Variants in DHDH observed in about 807,000 individuals in gnomAD.
DHDH encodes dihydrodiol dehydrogenase.
In DHDH, 29 loss-of-function variants were observed where a neutral mutation model predicts 33.2. That is an observed-to-expected ratio of 0.87 (90% CI 0.65 to 1.19). The LOEUF is 1.19. DHDH is among the 50% of genes most tolerant of loss of function. DHDH has a pLI of 0.00. For missense variants in DHDH, 431 were observed against 455.0 expected (o/e 0.95, Z 0.48); for synonymous variants, 201 against 187.9 (o/e 1.07, Z -0.57).
In DHDH at chr19:48,935,064, C is replaced by T. The variant is rs1481010316; in HGVS notation, c.155C>T (p.Pro52Leu). 1 of 1,592,644 alleles carries T rather than the reference C, an allele frequency of 6.3e-7. No individual in the cohort carries two copies. Among genetic ancestry groups the T allele is most frequent in the South Asian group, 1.2e-5 (1 of 86,602 alleles). The change falls in exon 2 of 7, where the codon CCC (proline) becomes CTC (leucine). Residue 52 changes from proline to leucine, a missense_variant. Transcript: ENST00000221403. ...GAGTTTGCACAGAAACACGACATCC[C>T]CAAGGCCTACGGCTCCTATGAGGAG... ...AKEFAQKHDI[P>L]KAYGSYEELA...
At chr19:48,942,642 G>T in intron 5 of DHDH, 78 bp downstream of exon 5, 1 of 1,537,646 alleles carries the variant, frequency 6.5e-7, no homozygotes, top group Non-Finnish European at 8.8e-7. Flanking sequence ...GGAGCTAGAT[G>T]AGAGCTTAAC....
At chr19:48,942,381 G>A (rs940561539) in intron 4 of DHDH, 59 bp from the exon 5 acceptor site, 4 of 1,469,198 alleles carry the variant, frequency 2.7e-6, no homozygotes, top group South Asian at 1.4e-5. Flanking sequence ...TTTGGGGCCT[G>A]TGCAGTCTCA....
rs1056259508 is a variant in DHDH at position 48,936,049 on chromosome 19, ACCCAGCACC to A, written c.229_237del (p.Pro77_His79del). ...CACCCTAGAGGTGGCCTACATTGGCACCCAGCACCCCCAGCACAAGGCGGCGGTGATGCT... is the reference window on the plus strand; with the variant it reads ...CACCCTAGAGGTGGCCTACATTGGCACCCAGCACAAGGCGGCGGTGATGCT... On this transcript the variant is annotated inframe_deletion, in exon 3 of 7. Coordinates refer to ENST00000221403, the MANE Select transcript of DHDH (RefSeq NM_014475.4). 9.3e-6 allele frequency: 15 copies of A among 1,604,568 alleles called. No individual in the cohort carries two copies. Among genetic ancestry groups the A allele is most frequent in the African/African-American group, 2.7e-5 (2 of 74,830 alleles).
intron 5 of DHDH, among the ~76,000 whole-genome samples, chr19:48,943,941 A>G (rs772574070): frequency 2.2e-4 from 34 of 151,792 alleles, no homozygotes; most frequent in South Asian, 1.0e-3. Flanking sequence ...GTTGCAGTGA[A>G]CCGAGATTGA....
At chr19:48,944,693 C>G (rs1211131587) in intron 6 of DHDH, 131 bp from the exon 7 acceptor site, 7 of 1,165,986 alleles carry the variant, frequency 6.0e-6, no homozygotes, top group Non-Finnish European at 7.4e-6. Flanking sequence ...AGAACTATAT[C>G]TCTCAGGAAC....
At position 48,942,461 on chromosome 19, in the gene DHDH, T is replaced by G; in HGVS notation, c.641T>G (p.Val214Gly). 6.2e-7 allele frequency: 1 copy of G among 1,611,054 alleles called. No homozygotes were observed. Among genetic ancestry groups the G allele is most frequent in the Non-Finnish European group, 8.5e-7 (1 of 1,177,916 alleles). Reference protein sequence around the residue: ...HETGVDDTVTVLLQYPGEVHG... With the variant: ...HETGVDDTVTGLLQYPGEVHG... ...CCAGGTGTGGATGACACTGTCACGG[T>G]GCTCCTGCAGTACCCAGGGGAGGTC... The change falls in exon 5 of 7, where the codon GTG (valine) becomes GGG (glycine). Residue 214 changes from valine to glycine, a missense_variant. Val to Gly is a moderately radical substitution (Grantham distance 109). Coordinates refer to ENST00000221403, the MANE Select transcript of DHDH (RefSeq NM_014475.4).
At chr19:48,944,222 C>T (rs773746132) in intron 5 of DHDH, 135 bp from the exon 6 acceptor site, 38 of 1,188,152 alleles carry the variant, frequency 3.2e-5, no homozygotes, top group South Asian at 5.6e-5. Context: ...CAAAGCTCCC[C>T]GGGGATGGAC....
chr19:48,939,251 G>A (rs10426890), intron 3 of DHDH, among the ~76,000 whole-genome samples, 198 bp from the exon 4 acceptor site: 25,404 of 151,372 alleles, frequency 0.17, 2,840 homozygotes, highest in East Asian at 0.53. Flanking sequence ...ACCAGCCTGG[G>A]CGACATAGTG....
chr19:48,944,560 C>A (rs750005728), intron 6 of DHDH, 53 bp downstream of exon 6: 2 of 1,543,780 alleles, frequency 1.3e-6, no homozygotes, highest in East Asian at 4.5e-5. Flanking sequence ...GATGTTGGGC[C>A]CCTCCCCACC....
chr19:48,944,801 C>G, intron 6 of DHDH, 23 bp from the exon 7 acceptor site: 1 of 1,601,308 alleles, frequency 6.2e-7, no homozygotes, highest in Non-Finnish European at 8.5e-7. Context: ...TAGGAGGGGT[C>G]CCTAACTACA....
chr19:48,939,295 G>A (rs924187029), intron 3 of DHDH, among the ~76,000 whole-genome samples, 154 bp from the exon 4 acceptor site: 3 of 151,880 alleles, frequency 2.0e-5, no homozygotes, highest in African/African-American at 7.2e-5. Flanking sequence ...AAAAGAAAAA[G>A]AAGAAAAGTC....
At chr19:48,944,144 C>T (rs1353711924) in intron 5 of DHDH, among the ~76,000 whole-genome samples, 1 of 152,126 alleles carries the variant, frequency 6.6e-6, no homozygotes, top group Non-Finnish European at 1.5e-5. Context: ...GGGAGACAGA[C>T]AGGATTTTTG....
At chr19:48,935,953 C>T in intron 2 of DHDH, 79 bp from the exon 3 acceptor site, 2 of 1,531,760 alleles carry the variant, frequency 1.3e-6, no homozygotes, top group Non-Finnish European at 1.8e-6. Context: ...GGTGCTAGGG[C>T]GGGGCCTCGA....
intron 1 of DHDH, among the ~76,000 whole-genome samples, chr19:48,934,239 A>G (rs535894551): frequency 2.0e-5 from 3 of 152,302 alleles, no homozygotes; most frequent in African/African-American, 4.8e-5. Context: ...TCCATTCTCT[A>G]TTAACCAGGG....
At chr19:48,936,247 A>C (rs2037774052) in intron 3 of DHDH, 52 bp downstream of exon 3, 20 of 1,515,890 alleles carry the variant, frequency 1.3e-5, no homozygotes, top group Non-Finnish European at 1.8e-5. Context: ...CTTGCCATTA[A>C]ATATGGTTGC....
intron 1 of DHDH, among the ~76,000 whole-genome samples, 186 bp downstream of exon 1, chr19:48,933,997 G>A (rs911067565): frequency 1.3e-5 from 2 of 152,198 alleles, no homozygotes; most frequent in African/African-American, 4.8e-5. Flanking sequence ...AGATCAGATT[G>A]TTACTGTGTC....
chr19:48,933,341 AAGTC>A (rs1447905657), upstream of DHDH, among the ~76,000 whole-genome samples: 1 of 152,136 alleles, frequency 6.6e-6, no homozygotes, highest in Non-Finnish European at 1.5e-5. Flanking sequence ...GAGAGCAAAA[AAGTC>A]AGGGCAAAGT....
intron 4 of DHDH, 123 bp downstream of exon 4, chr19:48,939,824 C>T: frequency 1.4e-6 from 2 of 1,394,018 alleles, no homozygotes; most frequent in Non-Finnish European, 1.9e-6. Flanking sequence ...GAACAACTTT[C>T]CATGAAGCCA....
intron 3 of DHDH, 32 bp from the exon 4 acceptor site, chr19:48,939,417 G>A: frequency 1.3e-6 from 2 of 1,596,538 alleles, no homozygotes; most frequent in Non-Finnish European, 8.6e-7. Context: ...GATTAGAACT[G>A]GTTGGTTAAC....
Sources: gnomAD v4.1 joint callset for allele counts (sites outside exome capture counted in the v4.1 genomes callset) on GRCh38, gnomAD v4.1.1 for gene constraint, MANE v1.5 for transcripts, NCBI Gene and HGNC (gene_info 2026-07-23, HGNC 2026-07-21) for gene names.